The following VGLL4 variants were observed in gnomAD, a reference collection of about 807,000 sequenced individuals.
The protein encoded by VGLL4 is transcription cofactor vestigial-like protein 4.
Under a neutral mutation model 21.0 loss-of-function variants are expected in VGLL4, and 7 were observed. The ratio of observed to expected loss-of-function variants is 0.33; its 90% confidence interval spans 0.19 to 0.63. The LOEUF (loss-of-function observed/expected upper bound fraction) is 0.63. Ranked by LOEUF, VGLL4 falls within the 20% of genes least tolerant of loss-of-function variation. The probability of loss-of-function intolerance (pLI) is 0.78; values close to 1 mark genes in which losing one functional copy is unlikely to be tolerated. For missense variants in VGLL4, 394 were observed against 425.7 expected, an observed-to-expected ratio of 0.93 and a Z score of 0.66; for synonymous variants, 222 against 173.2, an observed-to-expected ratio of 1.28 and a Z score of -2.21.
chr3:11,695,675 T>C (rs898509328), intron 2 of VGLL4, among the ~76,000 whole-genome samples: 3 of 152,036 alleles, frequency 2.0e-5, no homozygotes, highest in African/African-American at 7.2e-5. Flanking sequence ...GTGATTCGTG[T>C]GGGGAAAGGG....
Position 11,713,414 on chromosome 3 carries a change from A to G in VGLL4, c.-14+6980T>C, listed in dbSNP as rs2076875976. On this transcript the variant is annotated intron_variant, in intron 1 of 5. Coordinates refer to the VGLL4 transcript ENST00000273038. ...TGCCGTAATTTGAAGCATCAATGCC[A>G]GAAGAACTTGGCTGCTTCTGCTTGC... Among the ~76,000 whole-genome samples, 3 of 152,070 alleles carry G rather than the reference A, an allele frequency of 2.0e-5. No homozygotes were observed. The South Asian group carries it at 6.2e-4, about 32-fold the overall frequency.
chr3:11,692,511 T>G (rs776024877), intron 2 of VGLL4, among the ~76,000 whole-genome samples: 1 of 152,190 alleles, frequency 6.6e-6, no homozygotes, highest in Non-Finnish European at 1.5e-5. Flanking sequence ...GCGCCGACTT[T>G]TAGAAAGAAC....
chr3:11,564,258 G>GA (rs1237481461), intron 3 of VGLL4, among the ~76,000 whole-genome samples: 1 of 152,038 alleles, frequency 6.6e-6, no homozygotes, highest in African/African-American at 2.4e-5. Flanking sequence ...TCCTTTCATA[G>GA]AAAAAAATCC....
At chr3:11,593,686 A>G (rs906673392) in intron 2 of VGLL4, among the ~76,000 whole-genome samples, 1 of 152,228 alleles carries the variant, frequency 6.6e-6, no homozygotes, top group Non-Finnish European at 1.5e-5. Flanking sequence ...CGGAGAGCCC[A>G]AGCCTGGAAT....
chr3:11,702,221 C>G (rs1482360722), intron 2 of VGLL4, among the ~76,000 whole-genome samples: 1 of 152,050 alleles, frequency 6.6e-6, no homozygotes, highest in Non-Finnish European at 1.5e-5. Flanking sequence ...ATCTGAGACA[C>G]ATAAGGAGTA....
chr3:11,631,847 A>G (rs1293368043), intron 1 of VGLL4, among the ~76,000 whole-genome samples: 3 of 152,220 alleles, frequency 2.0e-5, no homozygotes, highest in Non-Finnish European at 4.4e-5. Flanking sequence ...ATCCCAATTA[A>G]GCCCCAGGTT....
At chr3:11,608,192 A>C (rs1017610794) in intron 1 of VGLL4, among the ~76,000 whole-genome samples, 1 of 152,208 alleles carries the variant, frequency 6.6e-6, no homozygotes, top group African/African-American at 2.4e-5. Flanking sequence ...CCCGTATTTT[A>C]AGCTTTACAA....
chr3:11,569,324 A>G (rs915848116), intron 2 of VGLL4, among the ~76,000 whole-genome samples: 14 of 152,174 alleles, frequency 9.2e-5, no homozygotes, highest in South Asian at 4.1e-4. Flanking sequence ...TGGGTACAAG[A>G]CATTTTGAGG....
At chr3:11,606,835 C>T (rs753133283) in intron 1 of VGLL4, among the ~76,000 whole-genome samples, 18 of 152,308 alleles carry the variant, frequency 1.2e-4, no homozygotes, top group Admixed American at 5.2e-4. Flanking sequence ...TCCCCTTCCA[C>T]GCTGTGGAAG....
At chr3:11,667,099 T>C (rs1289904135) in intron 2 of VGLL4, among the ~76,000 whole-genome samples, 1 of 152,206 alleles carries the variant, frequency 6.6e-6, no homozygotes, top group African/African-American at 2.4e-5. Flanking sequence ...CCCATAAATT[T>C]CTATCTCTGG....
chr3:11,583,552 G>C (rs1336297992), intron 2 of VGLL4, among the ~76,000 whole-genome samples: 1 of 152,150 alleles, frequency 6.6e-6, no homozygotes, highest in Non-Finnish European at 1.5e-5. Flanking sequence ...TACTCAACAA[G>C]AGACTATCAA....
chr3:11,614,308 G>A (rs146085812), intron 1 of VGLL4, among the ~76,000 whole-genome samples: 51 of 152,368 alleles, frequency 3.3e-4, no homozygotes, highest in Middle Eastern at 6.8e-3. Context: ...CCCTTGTGAC[G>A]TGCTGCTGGC....
At chr3:11,695,873 C>G (rs962794026) in intron 2 of VGLL4, among the ~76,000 whole-genome samples, 1 of 152,048 alleles carries the variant, frequency 6.6e-6, no homozygotes, top group Admixed American at 6.6e-5. Context: ...CCAAACTATC[C>G]GAAATGATCA....
chr3:11,661,503 T>C (rs2076038573), intron 2 of VGLL4, among the ~76,000 whole-genome samples: 1 of 151,714 alleles, frequency 6.6e-6, no homozygotes, highest in African/African-American at 2.4e-5. Context: ...GGAAGTCTTA[T>C]TCTATTGCCC....
intron 1 of VGLL4, among the ~76,000 whole-genome samples, chr3:11,617,056 TA>T (rs764423344): frequency 1.1e-4 from 17 of 151,812 alleles, no homozygotes; most frequent in Non-Finnish European, 1.8e-4. Context: ...TAATTTGAAA[TA>T]AAAAATAAAA....
chr3:11,568,882 C>G lies in VGLL4; in HGVS notation c.273-3863G>C. ...TCAGAGCCGCTGAGGCTGCACGGCA[C>G]CCGGCCCCGCCCCGGGCCTCATCCC... On this transcript the variant is annotated intron_variant, in intron 2 of 4. Transcript: ENST00000430365. This position sits in a 1 kb window ranked among gnomAD's most constrained non-coding sequence, Gnocchi z 5.9. The G allele has an allele frequency of 7.5e-7, 1 of 1,337,260 alleles. No homozygotes were observed. The highest frequency in any genetic ancestry group is 9.6e-7 in the Non-Finnish European group (1 of 1,041,744). The allele number at this position is 1,337,260 out of a possible 1,614,324, so 82.8% of individuals were successfully genotyped here.
chr3:11,677,398 T>C (rs2076306775), intron 2 of VGLL4, among the ~76,000 whole-genome samples: 1 of 151,878 alleles, frequency 6.6e-6, no homozygotes. Context: ...GCCTCCTGAG[T>C]AGATGGAACT....
At chr3:11,720,772 G>C (rs1329034435), upstream of VGLL4, 1 of 152,366 alleles carries the variant, frequency 6.6e-6, no homozygotes, top group East Asian at 1.9e-4. Context: ...GGGAGGAGGA[G>C]GTAAAACGTT....
intron 2 of VGLL4, among the ~76,000 whole-genome samples, chr3:11,685,985 G>A (rs532899636): frequency 1.2e-4 from 19 of 152,170 alleles, no homozygotes; most frequent in Non-Finnish European, 7.4e-5. Flanking sequence ...TCAAAACAAC[G>A]AGATACCACC....
Sources: gnomAD v4.1 joint callset for allele counts (sites outside exome capture counted in the v4.1 genomes callset) on GRCh38, gnomAD v4.1.1 for gene constraint, Gnocchi (gnomAD v3.1) non-coding constraint, MANE v1.5 for transcripts, NCBI Gene and HGNC (gene_info 2026-07-23, HGNC 2026-07-21) for gene names.